Variants in RBFOX1 observed in about 807,000 individuals in gnomAD.
RBFOX1 encodes the protein RNA binding fox-1 homolog 1.
RBFOX1 carries 8 observed loss-of-function variants against 57.7 expected under a neutral mutation model. That is an observed-to-expected ratio of 0.14 (90% CI 0.08 to 0.25). The LOEUF is 0.25. Ranked by LOEUF, RBFOX1 falls within the 10% of genes least tolerant of loss-of-function variation. RBFOX1 has a pLI of 1.00. For missense variants in RBFOX1, 611 were observed against 548.5 expected, an observed-to-expected ratio of 1.11 and a Z score of -1.14; for synonymous variants, 326 against 222.4, an observed-to-expected ratio of 1.47 and a Z score of -4.15.
intron 4 of RBFOX1, among the ~76,000 whole-genome samples, chr16:7,156,031 G>A (rs545833404): frequency 6.1e-4 from 92 of 151,090 alleles, no homozygotes; most frequent in African/African-American, 5.3e-4. Context: ...ATACACACAC[G>A]CACACAGGTA....
intron 4 of RBFOX1, among the ~76,000 whole-genome samples, chr16:7,117,873 G>A (rs1167089205): frequency 1.3e-5 from 2 of 152,138 alleles, no homozygotes; most frequent in Non-Finnish European, 2.9e-5. Context: ...TTTTGTTGTA[G>A]CTGCAGGATT....
At chr16:6,844,647 A>C (rs1209515015) in intron 3 of RBFOX1, among the ~76,000 whole-genome samples, 1 of 152,098 alleles carries the variant, frequency 6.6e-6, no homozygotes, top group African/African-American at 2.4e-5. Flanking sequence ...CAATTAACTT[A>C]CATGTGCACA....
At chr16:7,219,795 A>C (rs1045312796) in intron 4 of RBFOX1, among the ~76,000 whole-genome samples, 7 of 152,186 alleles carry the variant, frequency 4.6e-5, no homozygotes, top group East Asian at 3.9e-4. Flanking sequence ...TTTGTTCTCT[A>C]TGTTTGTGAT....
intron 1 of RBFOX1, among the ~76,000 whole-genome samples, chr16:5,373,769 A>G (rs775506258): frequency 6.6e-6 from 1 of 151,300 alleles, no homozygotes; most frequent in Non-Finnish European, 1.5e-5. Flanking sequence ...ACACCCAGCT[A>G]ATTTTTGCAC....
At chr16:7,146,922 C>G (rs1377566511) in intron 4 of RBFOX1, among the ~76,000 whole-genome samples, 1 of 142,454 alleles carries the variant, frequency 7.0e-6, no homozygotes, top group Non-Finnish European at 1.5e-5. Context: ...ATACTCCAGT[C>G]TGGGTGACAG....
intron 3 of RBFOX1, among the ~76,000 whole-genome samples, chr16:6,928,584 T>A (rs2076017108): frequency 6.6e-6 from 1 of 152,162 alleles, no homozygotes; most frequent in Non-Finnish European, 1.5e-5. Flanking sequence ...TTCCTTGGGA[T>A]CAGCAATGTG....
At chr16:7,350,292 G>C (rs1331620951) in intron 4 of RBFOX1, among the ~76,000 whole-genome samples, 2 of 152,236 alleles carry the variant, frequency 1.3e-5, no homozygotes, top group Admixed American at 1.3e-4. Flanking sequence ...TCTAAGGGGA[G>C]GAAAAAAGCA....
chr16:5,569,615 T>G (rs772729146), intron 2 of RBFOX1, among the ~76,000 whole-genome samples: 1 of 151,916 alleles, frequency 6.6e-6, no homozygotes, highest in Non-Finnish European at 1.5e-5. Context: ...TAGAGAGAGA[T>G]AAAATAAAGT....
intron 4 of RBFOX1, among the ~76,000 whole-genome samples, chr16:7,245,010 G>A (rs1386304628): frequency 1.3e-5 from 2 of 152,180 alleles, no homozygotes; most frequent in Admixed American, 6.5e-5. Context: ...CTGCTCCTCA[G>A]CTGCATACCA....
intron 3 of RBFOX1, among the ~76,000 whole-genome samples, chr16:5,830,777 G>A (rs1350711523): frequency 6.6e-6 from 1 of 152,160 alleles, no homozygotes; most frequent in Non-Finnish European, 1.5e-5. Context: ...ATACCCTGTG[G>A]TTCTAACGAT....
chr16:7,342,644 G>A (rs2096920342), intron 4 of RBFOX1, among the ~76,000 whole-genome samples: 1 of 152,204 alleles, frequency 6.6e-6, no homozygotes, highest in South Asian at 2.1e-4. Flanking sequence ...AAGGACACAT[G>A]TGTTTGGCCT....
At chr16:6,613,239 C>A (rs2154027150) in intron 2 of RBFOX1, among the ~76,000 whole-genome samples, 1 of 152,166 alleles carries the variant, frequency 6.6e-6, no homozygotes, top group Non-Finnish European at 1.5e-5. Flanking sequence ...CCTTCCCTGT[C>A]ATATGCTTGG....
At chr16:6,411,014 C>T (rs2093442521) in intron 2 of RBFOX1, among the ~76,000 whole-genome samples, 1 of 152,210 alleles carries the variant, frequency 6.6e-6, no homozygotes, top group South Asian at 2.1e-4. Context: ...TTATCGTTCT[C>T]ATTTAGACAG....
intron 3 of RBFOX1, among the ~76,000 whole-genome samples, chr16:6,744,122 A>T (rs995192859): frequency 1.3e-5 from 2 of 152,158 alleles, no homozygotes; most frequent in South Asian, 4.1e-4. Flanking sequence ...TTCTAGAGAA[A>T]AATACATCAG....
intron 3 of RBFOX1, among the ~76,000 whole-genome samples, chr16:6,911,398 T>A (rs1054343388): frequency 2.0e-5 from 3 of 152,172 alleles, no homozygotes; most frequent in Non-Finnish European, 4.4e-5. Flanking sequence ...AGGAGGAATC[T>A]GTTCCATGCC....
intron 3 of RBFOX1, among the ~76,000 whole-genome samples, chr16:6,824,158 A>T (rs928829356): frequency 3.9e-5 from 6 of 152,216 alleles, no homozygotes; most frequent in Non-Finnish European, 7.3e-5. Flanking sequence ...TAATCCCAGC[A>T]CTTTGGGAGG....
At chr16:7,459,320 C>A (rs189715523) in intron 4 of RBFOX1, among the ~76,000 whole-genome samples, 2 of 152,162 alleles carry the variant, frequency 1.3e-5, no homozygotes, top group African/African-American at 4.8e-5. Context: ...TCCAGAGATC[C>A]TTTTAACTCA....
intron 2 of RBFOX1, among the ~76,000 whole-genome samples, chr16:6,330,127 A>G (rs141517381): frequency 1.3e-5 from 2 of 152,286 alleles, no homozygotes; most frequent in East Asian, 1.9e-4. Flanking sequence ...TTAATACTAC[A>G]TATCTGTAGT....
At chr16:6,507,422 A>G (rs892702756) in intron 2 of RBFOX1, among the ~76,000 whole-genome samples, 16 of 142,156 alleles carry the variant, frequency 1.1e-4, no homozygotes, top group Non-Finnish European at 1.8e-4. Flanking sequence ...TGTAATCCCA[A>G]CACTTTGTGA....
Sources: gnomAD v4.1 joint callset for allele counts (sites outside exome capture counted in the v4.1 genomes callset) on GRCh38, gnomAD v4.1.1 for gene constraint, MANE v1.5 for transcripts, NCBI Gene and HGNC (gene_info 2026-07-23, HGNC 2026-07-21) for gene names.